JMJD8: variants seen among roughly 807,000 people sequenced by gnomAD.
The protein encoded by JMJD8 is jmjC domain-containing protein 8.
JMJD8 carries 56 observed loss-of-function variants against 37.6 expected under a neutral mutation model. That is an observed-to-expected ratio of 1.49 (90% CI 1.20 to 1.86). JMJD8 has a LOEUF of 1.86. Among genes scored for constraint, JMJD8 ranks in the 40% most tolerant of loss-of-function variants. The probability of loss-of-function intolerance (pLI) is 0.00; values close to 1 mark genes in which losing one functional copy is unlikely to be tolerated. For missense variants in JMJD8, 542 were observed against 362.7 expected, an observed-to-expected ratio of 1.49 and a Z score of -4.01; for synonymous variants, 261 against 163.7, an observed-to-expected ratio of 1.59 and a Z score of -4.54.
rs41292279 is a variant in JMJD8 at position 681,933 on chromosome 16, G to C, written c.*861C>G. On this transcript the variant is annotated 3_prime_UTR_variant, in exon 9 of 9. Transcript: ENST00000609261. ...GTCTGTGTGTGTGCACGTGGCGTGG[G>C]AGCATCCCCGCCTTGTGTTGGGTCT... is the stretch of plus-strand genomic sequence containing the variant. The C allele has an allele frequency of 3.1e-6, 5 of 1,611,770 alleles. No homozygotes were observed. The highest frequency in any genetic ancestry group is 4.2e-6 in the Non-Finnish European group (5 of 1,178,544).
intron 2 of JMJD8, 25 bp from the exon 3 acceptor site, chr16:683,934 C>G (rs557699288): frequency 5.8e-6 from 9 of 1,563,144 alleles, no homozygotes; most frequent in East Asian, 4.8e-5. Flanking sequence ...AGAGTCGCGG[C>G]CAGGCCGGAC....
rs1368885722 is a variant in JMJD8, at chr16:683,926, A to G, written c.177-17T>C. 2 of 1,568,018 alleles carry G rather than the reference A, an allele frequency of 1.3e-6. No individual in the cohort carries two copies. Among genetic ancestry groups the G allele is most frequent in the African/African-American group, 1.4e-5 (1 of 73,962 alleles). ...AAGGCGTACCTGGAAAGAAGGGCAG[A>G]GTCGCGGCCAGGCCGGACCGCCAGC... On this transcript the variant is annotated splice_polypyrimidine_tract_variant and intron_variant, in intron 2 of 8. Transcript: ENST00000609261.
rs751120679 is a variant in JMJD8 at position 682,153 on chromosome 16, CCT to C, written c.*639_*640del. On this transcript the variant is annotated 3_prime_UTR_variant, in exon 9 of 9. Transcript: ENST00000609261. ...CCTTTTCAGCCTCTGACCGTGTGCC[CCT>C]GTGCCACAGAAGCGAGACATCCCCG... 1.6e-5 allele frequency: 25 copies of C among 1,600,662 alleles called. No individual in the cohort carries two copies. Among genetic ancestry groups the C allele is most frequent in the Admixed American group, 3.3e-5 (2 of 59,748 alleles).
Position 682,579 on chromosome 16 carries a change from C to A in JMJD8, c.*215G>T. ...ACATAGTTTATGTTCCTGGCCACCC[C>A]GACCGCTTCCCCCAAGTTCTGCTGT... On this transcript the variant is annotated 3_prime_UTR_variant, in exon 9 of 9. Coordinates refer to ENST00000609261, the MANE Select transcript of JMJD8 (RefSeq NM_001005920.4). 1.3e-6 allele frequency: 2 copies of A among 1,557,524 alleles called. No individual in the cohort carries two copies. Among genetic ancestry groups the A allele is most frequent in the Non-Finnish European group, 1.7e-6 (2 of 1,144,054 alleles).
chr16:684,057 C>T lies in JMJD8; in HGVS notation c.176+9G>A. 6 of 1,579,522 alleles carry T rather than the reference C, an allele frequency of 3.8e-6. No homozygotes were observed. The highest frequency in any genetic ancestry group is 4.3e-6 in the Non-Finnish European group (5 of 1,171,172). ...AGGACGCGACCTCCGCGATCAGGGG[C>T]GCACGTACTGCTGCACGAACTCCGC... is the stretch of plus-strand genomic sequence containing the variant. On this transcript the variant is annotated intron_variant, in intron 2 of 8. Coordinates refer to ENST00000609261, the MANE Select transcript of JMJD8 (RefSeq NM_001005920.4).
chr16:683,828 A>G (rs768241269), intron 3 of JMJD8, 33 bp downstream of exon 3: 4 of 1,586,924 alleles, frequency 2.5e-6, no homozygotes, highest in African/African-American at 1.3e-5. Context: ...AGCACGGGCG[A>G]GAGTGGCCGG....
chr16:681,689 G>A lies in JMJD8; in HGVS notation c.*1105C>T, dbSNP rs1040078297. 5 of 1,557,352 alleles carry A rather than the reference G, an allele frequency of 3.2e-6. No individual in the cohort carries two copies. In the African/African-American group the frequency reaches 5.4e-5, roughly 17 times the overall value. The stretch of plus-strand genomic sequence containing the variant: ...ACAAGCGTTTATCGAAGGCTTTACT[G>A]GCAAGCAGGAAATGTGGGGAAGTGT... On this transcript the variant is annotated 3_prime_UTR_variant, in exon 9 of 9. Transcript: ENST00000609261.
rs1374258107 is a variant in JMJD8, at chr16:684,083, G to A, written c.159C>T (p.Tyr53=). 2 of 1,578,372 alleles carry A rather than the reference G, an allele frequency of 1.3e-6. No individual in the cohort carries two copies. Among genetic ancestry groups the A allele is most frequent in the Admixed American group, 3.5e-5 (2 of 57,824 alleles). Residue 53 remains tyrosine (Y), a synonymous_variant, in exon 2 of 9, where the codon TAC becomes TAT. Coordinates refer to ENST00000609261, the MANE Select transcript of JMJD8 (RefSeq NM_001005920.4). ...GCACGTACTGCTGCACGAACTCCGCGTAGGTGAGGTCGGCCCGACGCTCCA... is the reference window on the plus strand; with the variant it reads ...GCACGTACTGCTGCACGAACTCCGCATAGGTGAGGTCGGCCCGACGCTCCA... ...CTVERRADLT[Y]AEFVQQYAFV...
Position 683,562 on chromosome 16 carries a change from A to C in JMJD8, c.359T>G (p.Leu120Arg), listed in dbSNP as rs769944129. Residue 120 changes from leucine (L) to arginine (R), a missense_variant, in exon 5 of 9, where the codon CTG becomes CGG. Coordinates refer to ENST00000609261, the MANE Select transcript of JMJD8 (RefSeq NM_001005920.4). ...LPFQEYVEQL[L>R]HPQDPTSLGN... Reference sequence around the variant, plus strand: ...CAGGGAGGTGGGGTCCTGGGGGTGCAGCAGCTGCTCCACATACTCCTGGAA... The same window carrying C: ...CAGGGAGGTGGGGTCCTGGGGGTGCCGCAGCTGCTCCACATACTCCTGGAA... The C allele has an allele frequency of 1.8e-5, 29 of 1,573,216 alleles. 1 individual carries two copies. The South Asian group carries it at 3.3e-4, about 18-fold the overall frequency.
Position 683,696 on chromosome 16 carries a change from G to A in JMJD8, c.311C>T (p.Ser104Phe), listed in dbSNP as rs778875883. The A allele has an allele frequency of 1.2e-6, 2 of 1,604,562 alleles. No homozygotes were observed. The highest frequency in any genetic ancestry group is 1.7e-6 in the Non-Finnish European group (2 of 1,176,290). Residue 104 changes from serine (S) to phenylalanine (F), a missense_variant, in exon 4 of 9, where the codon TCC becomes TTC. Physicochemically the swap from Ser to Phe is radical, Grantham distance 155. Coordinates refer to ENST00000609261, the MANE Select transcript of JMJD8 (RefSeq NM_001005920.4). ...GTGAGGCCGCGTACCTTTGTGGTAG[G>A]AGTAGGTGTTGGCGGTGCTCAGCCG... ...VVRLSTANTYSYHKVDLPFQE... is the reference protein window; with the variant it reads ...VVRLSTANTYFYHKVDLPFQE...
Position 682,255 on chromosome 16 carries a change from C to A in JMJD8, c.*539G>T. Reference sequence around the variant, plus strand: ...CACGCCCAGTGGCATCACCTACGACCGCAAGGACATCGAGGAGCACCTGCA... The same window carrying A: ...CACGCCCAGTGGCATCACCTACGACAGCAAGGACATCGAGGAGCACCTGCA... On this transcript the variant is annotated 3_prime_UTR_variant, in exon 9 of 9. Transcript: ENST00000609261. 1 of 1,611,874 alleles carries A rather than the reference C, an allele frequency of 6.2e-7. No homozygotes were observed. Among genetic ancestry groups the A allele is most frequent in the Non-Finnish European group, 8.5e-7 (1 of 1,179,794 alleles).
chr16:682,245 C>G lies in JMJD8; in HGVS notation c.*549G>C, dbSNP rs778695083. 2 of 1,612,640 alleles carry G rather than the reference C, an allele frequency of 1.2e-6. No individual in the cohort carries two copies. The highest frequency in any genetic ancestry group is 8.5e-7 in the Non-Finnish European group (1 of 1,179,848). On this transcript the variant is annotated 3_prime_UTR_variant, in exon 9 of 9. Coordinates refer to ENST00000609261, the MANE Select transcript of JMJD8 (RefSeq NM_001005920.4). The stretch of plus-strand genomic sequence containing the variant: ...AGCCGTGCATCACGCCCAGTGGCAT[C>G]ACCTACGACCGCAAGGACATCGAGG...
chr16:683,990 G>A (rs752650610), intron 2 of JMJD8, 76 bp downstream of exon 2: 3 of 1,557,856 alleles, frequency 1.9e-6, no homozygotes, highest in Non-Finnish European at 1.7e-6. Flanking sequence ...CGAGGTCAGG[G>A]GAAGGCGGCC....
Position 682,257 on chromosome 16 carries a change from C to T in JMJD8, c.*537G>A. 2 of 1,610,988 alleles carry T rather than the reference C, an allele frequency of 1.2e-6. No individual in the cohort carries two copies. The highest frequency in any genetic ancestry group is 1.7e-6 in the Non-Finnish European group (2 of 1,179,702). On this transcript the variant is annotated 3_prime_UTR_variant, in exon 9 of 9. Transcript: ENST00000609261. ...CGCCCAGTGGCATCACCTACGACCGCAAGGACATCGAGGAGCACCTGCAGG... is the reference window on the plus strand; with the variant it reads ...CGCCCAGTGGCATCACCTACGACCGTAAGGACATCGAGGAGCACCTGCAGG...
chr16:683,826 C>G (rs775678961), intron 3 of JMJD8, 35 bp downstream of exon 3: 1 of 1,585,740 alleles, frequency 6.3e-7, no homozygotes, highest in Admixed American at 1.8e-5. Context: ...CCAGCACGGG[C>G]GAGAGTGGCC....
At position 682,251 on chromosome 16, in the gene JMJD8, C is replaced by G; in HGVS notation, c.*543G>C. 1.9e-6 allele frequency: 3 copies of G among 1,612,330 alleles called. No individual in the cohort carries two copies. The highest frequency in any genetic ancestry group is 1.7e-6 in the Non-Finnish European group (2 of 1,179,832). ...GCATCACGCCCAGTGGCATCACCTACGACCGCAAGGACATCGAGGAGCACC... is the reference window on the plus strand; with the variant it reads ...GCATCACGCCCAGTGGCATCACCTAGGACCGCAAGGACATCGAGGAGCACC... On this transcript the variant is annotated 3_prime_UTR_variant, in exon 9 of 9. Transcript: ENST00000609261.
chr16:682,751 G>C lies in JMJD8; in HGVS notation c.*43C>G. Reference sequence around the variant, plus strand: ...TAATAAAATCCGTGAGCACGAGGTGGGACGTGCTGGTGTGTGACCGGCAGT... The same window carrying C: ...TAATAAAATCCGTGAGCACGAGGTGCGACGTGCTGGTGTGTGACCGGCAGT... On this transcript the variant is annotated 3_prime_UTR_variant, in exon 9 of 9. Coordinates refer to ENST00000609261, the MANE Select transcript of JMJD8 (RefSeq NM_001005920.4). The C allele has an allele frequency of 6.3e-7, 1 of 1,593,284 alleles. No individual in the cohort carries two copies. The highest frequency in any genetic ancestry group is 8.6e-7 in the Non-Finnish European group (1 of 1,163,354).
chr16:681,989 T>C lies in JMJD8; in HGVS notation c.*805A>G. ...CCATGGAGGAGGGAGGTGGGGTGTC[T>C]CCCCCAAGCACAGCACTCAACTCTT... On this transcript the variant is annotated 3_prime_UTR_variant, in exon 9 of 9. Coordinates refer to ENST00000609261, the MANE Select transcript of JMJD8 (RefSeq NM_001005920.4). 6.2e-7 allele frequency: 1 copy of C among 1,612,008 alleles called. No individual in the cohort carries two copies. Among genetic ancestry groups the C allele is most frequent in the Non-Finnish European group, 8.5e-7 (1 of 1,178,890 alleles).
Position 683,395 on chromosome 16 carries a change from A to G in JMJD8, c.438T>C (p.Ser146=). The change falls in exon 6 of 9, where the codon TCT becomes TCC. Residue 146 remains serine, a synonymous_variant. Transcript: ENST00000609261. ...FGDNNFTEWA[S]LFRHYSPPPF... ...GGGGTGGGGAGTAGTGCCGAAAGAG[A>G]GAGGCCCACTCGGTGAAGTTGTTGT... 6.4e-7 allele frequency: 1 copy of G among 1,554,706 alleles called. No individual in the cohort carries two copies. The highest frequency in any genetic ancestry group is 8.7e-7 in the Non-Finnish European group (1 of 1,148,844).
Sources: allele counts gnomAD v4.1 joint callset, GRCh38; gene constraint gnomAD v4.1.1; transcripts MANE v1.5; gene names NCBI Gene and HGNC (gene_info 2026-07-23, HGNC 2026-07-21).